SPATS2: variants seen among roughly 807,000 people sequenced by gnomAD.
SPATS2 encodes spermatogenesis associated serine rich 2.
A neutral mutation model predicts 63.7 loss-of-function variants in SPATS2; 38 were observed. The observed-to-expected ratio is 0.60, with a 90% confidence interval of 0.46 to 0.78. The LOEUF (loss-of-function observed/expected upper bound fraction) is 0.78, where lower values mean the gene tolerates loss of function less well. Ranked by LOEUF, SPATS2 falls within the 30% of genes least tolerant of loss-of-function variation. The probability of loss-of-function intolerance (pLI) is 0.00; values close to 1 mark genes in which losing one functional copy is unlikely to be tolerated. For synonymous variants in SPATS2, 207 were observed against 232.9 expected (o/e 0.89, Z 1.01); for missense variants, 588 against 666.2 (o/e 0.88, Z 1.29).
At chr12:49,467,534 G>A (rs1945944690) in intron 3 of SPATS2, among the ~76,000 whole-genome samples, 1 of 152,162 alleles carries the variant, frequency 6.6e-6, no homozygotes, top group South Asian at 2.1e-4. Flanking sequence ...AGACTCTAGA[G>A]ATTAGGGAAG....
intron 3 of SPATS2, among the ~76,000 whole-genome samples, chr12:49,475,648 G>A (rs1185884383): frequency 6.6e-6 from 1 of 152,076 alleles, no homozygotes; most frequent in Non-Finnish European, 1.5e-5. Context: ...CACCATGTTG[G>A]CTAGACTAGT....
Position 49,494,808 on chromosome 12 carries a change from A to T in SPATS2, c.332A>T (p.Lys111Ile). 4 of 1,613,532 alleles carry T rather than the reference A, an allele frequency of 2.5e-6. No homozygotes were observed. Among genetic ancestry groups the T allele is most frequent in the Non-Finnish European group, 3.4e-6 (4 of 1,179,828 alleles). ...AGTAACGGCATCCCAGATTCCAGTA[A>T]ATCAGTTTCCATTCAAGAGGAACAG... is the stretch of plus-strand genomic sequence containing the variant. ...EPSNGIPDSS[K>I]SVSIQEEQSA... is the part of the protein sequence containing the mutation. Residue 111 changes from lysine (K) to isoleucine (I), a missense_variant, in exon 7 of 14, where the codon AAA becomes ATA. Transcript: ENST00000552918.
rs778481270 is a variant in SPATS2, at chr12:49,462,699, G to T, written c.25+1662G>T. The stretch of plus-strand genomic sequence containing the variant: ...TTAGCAGGAAGGGGAGCTGAAAAGG[G>T]GTTGGTGGGGTGCGGGTAGATAATC... On this transcript the variant is annotated intron_variant, in intron 3 of 13. Transcript: ENST00000552918. The T allele has an allele frequency of 5.5e-6, 3 of 546,358 alleles. No individual in the cohort carries two copies. The African/African-American group carries it at 5.7e-5, about 10-fold the overall frequency. The allele number at this position is 546,358 out of a possible 1,614,324, so 33.8% of individuals were successfully genotyped here. A position where few individuals can be genotyped will look rare whatever the true frequency, so the allele number is the denominator to read the frequency against.
intron 9 of SPATS2, among the ~76,000 whole-genome samples, chr12:49,500,648 T>C (rs1946550186): frequency 6.6e-6 from 1 of 151,996 alleles, no homozygotes; most frequent in African/African-American, 2.4e-5. Context: ...GGCGCGCGCC[T>C]GTAGTCCTAG....
intron 2 of SPATS2, among the ~76,000 whole-genome samples, chr12:49,437,675 G>T (rs1054215302): frequency 1.3e-5 from 2 of 152,120 alleles, no homozygotes; most frequent in Non-Finnish European, 2.9e-5. Flanking sequence ...AAAAAAATAC[G>T]AAAACCAGTC....
In SPATS2 at chr12:49,496,851, G is replaced by A. The variant is rs978682759; in HGVS notation, c.545G>A (p.Gly182Asp). ...TGGACAGGATCCATGCTGCAGAATG[G>A]TGTCTCTGATTTTGAGACCAAGTCT... ...LDRTGSMLQN[G>D]VSDFETKSLT... Residue 182 changes from glycine to aspartate, a missense_variant, in exon 8 of 14, where the codon GGT becomes GAT. Gly to Asp is a moderately conservative substitution (Grantham distance 94). Coordinates refer to ENST00000552918, the MANE Select transcript of SPATS2 (RefSeq NM_023071.4). 3.1e-6 allele frequency: 5 copies of A among 1,613,926 alleles called. No individual in the cohort carries two copies. In the Admixed American group the frequency reaches 6.7e-5, roughly 22 times the overall value.
chr12:49,524,107 T>A (rs1011637010), intron 12 of SPATS2, among the ~76,000 whole-genome samples: 1 of 152,180 alleles, frequency 6.6e-6, no homozygotes, highest in African/African-American at 2.4e-5. Flanking sequence ...TTCAGTTAGA[T>A]AGGTACTTTG....
At chr12:49,524,644 T>C (rs1947000957) in intron 12 of SPATS2, 38 bp from the exon 13 acceptor site, 1 of 1,595,510 alleles carries the variant, frequency 6.3e-7, no homozygotes, top group African/African-American at 1.3e-5. Flanking sequence ...TGTGCTGTTC[T>C]ATCATATGAT....
intron 2 of SPATS2, among the ~76,000 whole-genome samples, chr12:49,436,913 A>AC (rs1386965040): frequency 1.6e-4 from 17 of 106,726 alleles, no homozygotes; most frequent in South Asian, 9.7e-4. Flanking sequence ...CGGGGGGATG[A>AC]CCCCCCCACC....
chr12:49,514,564 T>G lies in SPATS2; in HGVS notation c.849T>G (p.Asp283Glu). The change falls in exon 10 of 14, where the codon GAT becomes GAG. Residue 283 changes from aspartate to glutamate, a missense_variant. Transcript: ENST00000552918. Reference sequence around the variant, plus strand: ...TGTCATCTTTTCCTAGTTTAATGGATCGAGAAGTGGCGTTGCTTGCTGAAA... The same window carrying G: ...TGTCATCTTTTCCTAGTTTAATGGAGCGAGAAGTGGCGTTGCTTGCTGAAA... ...AFAELESCLM[D>E]REVALLAEMD... 6.2e-7 allele frequency: 1 copy of G among 1,613,354 alleles called. No individual in the cohort carries two copies.
chr12:49,476,529 T>C (rs1946121131), intron 3 of SPATS2, among the ~76,000 whole-genome samples: 2 of 152,144 alleles, frequency 1.3e-5, no homozygotes, highest in African/African-American at 2.4e-5. Flanking sequence ...AAGCTGCCTA[T>C]GGATGGTAGG....
intron 2 of SPATS2, among the ~76,000 whole-genome samples, chr12:49,434,555 T>G (rs1945240750): frequency 6.6e-6 from 1 of 152,226 alleles, no homozygotes; most frequent in African/African-American, 2.4e-5. Context: ...GGCCCTCTTC[T>G]GTTGTGATTT....
chr12:49,508,425 C>T (rs950285401), intron 9 of SPATS2, among the ~76,000 whole-genome samples: 5 of 152,140 alleles, frequency 3.3e-5, no homozygotes, highest in East Asian at 1.9e-4. Flanking sequence ...CCAGGCTGGT[C>T]GCAAACTCCT....
Position 49,450,104 on chromosome 12 carries a change from A to G in SPATS2, c.-243-10666A>G, listed in dbSNP as rs957903220. On this transcript the variant is annotated intron_variant, in intron 2 of 13. Coordinates refer to ENST00000552918, the MANE Select transcript of SPATS2 (RefSeq NM_023071.4). ...AGCCCTTTTTTTATTGGTTTGCATG[A>G]TATATCTTTTTTCATTCTTTTACTT... 7.9e-5 allele frequency among the ~76,000 whole-genome samples: 12 copies of G among 151,684 alleles called. 1 individual carries two copies. The highest frequency in any genetic ancestry group is 5.9e-4 in the Admixed American group (9 of 15,236).
At chr12:49,387,657 AAAG>A (rs1592348966) in intron 2 of SPATS2, among the ~76,000 whole-genome samples, 1 of 151,026 alleles carries the variant, frequency 6.6e-6, no homozygotes, top group East Asian at 1.9e-4. Context: ...AAAAAAAAAA[AAAG>A]AATGTGGGAG....
chr12:49,522,985 A>G, intron 12 of SPATS2, 132 bp downstream of exon 12: 1 of 697,346 alleles, frequency 1.4e-6, no homozygotes. Flanking sequence ...TAACTCTAGG[A>G]TGCTTATGAA....
intron 9 of SPATS2, among the ~76,000 whole-genome samples, chr12:49,503,536 C>T (rs1946604256): frequency 1.3e-5 from 2 of 151,096 alleles, no homozygotes; most frequent in Admixed American, 1.3e-4. Flanking sequence ...GTAGTCCCAG[C>T]TACTCAGGAG....
intron 2 of SPATS2, among the ~76,000 whole-genome samples, chr12:49,419,419 T>C (rs1944942521): frequency 6.6e-6 from 1 of 152,218 alleles, no homozygotes; most frequent in Non-Finnish European, 1.5e-5. Flanking sequence ...AGATTTTTGG[T>C]ACAACTTGAT....
chr12:49,376,463 C>G (rs1944105140), intron 2 of SPATS2, among the ~76,000 whole-genome samples: 1 of 151,900 alleles, frequency 6.6e-6, no homozygotes, highest in Non-Finnish European at 1.5e-5. Flanking sequence ...GTGATGTGAT[C>G]ATGGCTCATT....
Sources: gnomAD v4.1 joint callset for allele counts (sites outside exome capture counted in the v4.1 genomes callset) on GRCh38, gnomAD v4.1.1 for gene constraint, MANE v1.5 for transcripts, NCBI Gene and HGNC (gene_info 2026-07-23, HGNC 2026-07-21) for gene names.